HTR4: variants seen among roughly 807,000 people sequenced by gnomAD.
HTR4 encodes the protein 5-hydroxytryptamine (serotonin) receptor 4, G protein-coupled.
In HTR4, 16 loss-of-function variants were observed where a neutral mutation model predicts 36.8. The observed-to-expected ratio is 0.43, with a 90% CI of 0.29 to 0.66. The LOEUF is 0.66. Ranked by LOEUF, HTR4 falls within the 30% of genes least tolerant of loss-of-function variation. HTR4 has a pLI of 0.13. For missense variants in HTR4, 438 were observed against 490.9 expected, an observed-to-expected ratio of 0.89 and a Z score of 1.02; for synonymous variants, 189 against 185.1, an observed-to-expected ratio of 1.02 and a Z score of -0.17.
chr5:148,563,780 A>G (rs1760318751), intron 2 of HTR4, among the ~76,000 whole-genome samples: 1 of 152,230 alleles, frequency 6.6e-6, no homozygotes, highest in Non-Finnish European at 1.5e-5. Flanking sequence ...TTGTTGAAGT[A>G]TATGAGAGGA....
At chr5:148,542,173 C>T (rs1378209794) in intron 4 of HTR4, among the ~76,000 whole-genome samples, 1 of 152,194 alleles carries the variant, frequency 6.6e-6, no homozygotes, top group Non-Finnish European at 1.5e-5. Context: ...ACAGTTCAAA[C>T]CCTCTGGCAT....
At chr5:148,583,529 C>T (rs1761228287) in intron 2 of HTR4, among the ~76,000 whole-genome samples, 1 of 151,692 alleles carries the variant, frequency 6.6e-6, no homozygotes, top group Admixed American at 6.6e-5. Context: ...GATGAAGAAA[C>T]TGGGACTTAA....
chr5:148,489,681 GA>G (rs1280826347), intron 6 of HTR4, among the ~76,000 whole-genome samples: 1 of 152,158 alleles, frequency 6.6e-6, no homozygotes, highest in Non-Finnish European at 1.5e-5. Flanking sequence ...ATTTGTTTGG[GA>G]AAAGCTGACC....
intron 2 of HTR4, among the ~76,000 whole-genome samples, chr5:148,610,059 T>C (rs1752355863): frequency 6.6e-6 from 1 of 152,190 alleles, no homozygotes; most frequent in Admixed American, 6.5e-5. Flanking sequence ...AGCCAGGGCA[T>C]TTCAGAACAA....
intron 4 of HTR4, among the ~76,000 whole-genome samples, chr5:148,535,838 C>T (rs910896978): frequency 6.6e-6 from 1 of 152,066 alleles, no homozygotes; most frequent in African/African-American, 2.4e-5. Context: ...ATGGAAACTC[C>T]CCCAACCTTG....
intron 2 of HTR4, among the ~76,000 whole-genome samples, chr5:148,567,048 C>G (rs1214539676): frequency 1.3e-5 from 2 of 151,956 alleles, no homozygotes; most frequent in Admixed American, 6.6e-5. Flanking sequence ...CGTATTGTTC[C>G]TCTCACCAGT....
At chr5:148,580,855 C>T (rs1761105522) in intron 2 of HTR4, among the ~76,000 whole-genome samples, 1 of 152,020 alleles carries the variant, frequency 6.6e-6, no homozygotes, top group African/African-American at 2.4e-5. Flanking sequence ...CTTTGAGACC[C>T]TGATTTCAAT....
At chr5:148,541,063 T>A (rs1328923283) in intron 4 of HTR4, among the ~76,000 whole-genome samples, 3 of 152,200 alleles carry the variant, frequency 2.0e-5, no homozygotes, top group Non-Finnish European at 2.9e-5. Context: ...AACACTCAGT[T>A]ATTTATTCCT....
chr5:148,509,348 C>T, intron 6 of HTR4, 108 bp downstream of exon 6: 1 of 779,290 alleles, frequency 1.3e-6, no homozygotes, highest in Non-Finnish European at 2.1e-6. Flanking sequence ...TCTTTGCAAA[C>T]TCTATGCAGG....
At chr5:148,618,927 C>T (rs574286363) in intron 2 of HTR4, among the ~76,000 whole-genome samples, 3 of 152,126 alleles carry the variant, frequency 2.0e-5, no homozygotes, top group African/African-American at 7.2e-5. Flanking sequence ...CGATTCCAAT[C>T]ACTTTCATTT....
At chr5:148,622,117 A>T (rs1752939033) in intron 2 of HTR4, among the ~76,000 whole-genome samples, 1 of 152,084 alleles carries the variant, frequency 6.6e-6, no homozygotes, top group South Asian at 2.1e-4. Flanking sequence ...GAGTCTGTCT[A>T]CCTGATCATT....
intron 2 of HTR4, among the ~76,000 whole-genome samples, chr5:148,611,395 T>G (rs1469978375): frequency 6.7e-6 from 1 of 148,662 alleles, no homozygotes; most frequent in Admixed American, 6.7e-5. Context: ...AGAAAAGAAT[T>G]TTCAACCCAG....
chr5:148,486,645 G>A (rs1325333885), intron 6 of HTR4, among the ~76,000 whole-genome samples: 1 of 152,222 alleles, frequency 6.6e-6, no homozygotes, highest in Non-Finnish European at 1.5e-5. Context: ...TTGGGCACCA[G>A]CTGTGTGTGG....
intron 5 of HTR4, chr5:148,465,922 G>A: frequency 6.2e-6 from 10 of 1,613,172 alleles, no homozygotes; most frequent in Non-Finnish European, 6.8e-6. Context: ...CAGGGGAACA[G>A]CCACTTTTAG....
chr5:148,466,418 G>T (rs911496996), intron 5 of HTR4, among the ~76,000 whole-genome samples: 2 of 152,094 alleles, frequency 1.3e-5, no homozygotes, highest in African/African-American at 2.4e-5. Context: ...AATACAAACC[G>T]CTGTGGCTTG....
At chr5:148,458,506 G>A (rs1352382410) in intron 5 of HTR4, among the ~76,000 whole-genome samples, 2 of 152,140 alleles carry the variant, frequency 1.3e-5, no homozygotes, top group African/African-American at 4.8e-5. Flanking sequence ...AGTGTCAGGA[G>A]TGAGAGGTAT....
At chr5:148,503,772 G>A (rs1295594383) in intron 6 of HTR4, among the ~76,000 whole-genome samples, 1 of 152,060 alleles carries the variant, frequency 6.6e-6, no homozygotes, top group Non-Finnish European at 1.5e-5. Context: ...GACACACATA[G>A]GCTCAAAATA....
At chr5:148,597,826 C>T (rs1761839492) in intron 2 of HTR4, among the ~76,000 whole-genome samples, 1 of 152,196 alleles carries the variant, frequency 6.6e-6, no homozygotes, top group Admixed American at 6.5e-5. Context: ...GGCTTATCGC[C>T]TTCACTATAT....
At chr5:148,597,187 C>T (rs1761811626) in intron 2 of HTR4, among the ~76,000 whole-genome samples, 1 of 152,156 alleles carries the variant, frequency 6.6e-6, no homozygotes, top group Admixed American at 6.5e-5. Context: ...GCACCCTGCT[C>T]TGTATTGGTT....
Sources: allele counts gnomAD v4.1 joint callset (sites outside exome capture counted in the v4.1 genomes callset), GRCh38; gene constraint gnomAD v4.1.1; transcripts MANE v1.5; gene names NCBI Gene and HGNC (gene_info 2026-07-23, HGNC 2026-07-21).